Variants in ANKFY1 observed in about 807,000 individuals in gnomAD.
ANKFY1 encodes ankyrin repeat and FYVE domain containing 1.
In ANKFY1, 47 loss-of-function variants were observed where a neutral mutation model predicts 128.3. The ratio of observed to expected loss-of-function variants is 0.37; its 90% confidence interval spans 0.29 to 0.47. The LOEUF (loss-of-function observed/expected upper bound fraction) is 0.47. ANKFY1 is among the 20% of genes least tolerant of loss of function. The pLI is 1.00. For missense variants in ANKFY1, 1,222 were observed against 1,510.6 expected (o/e 0.81, Z 3.17); for synonymous variants, 553 against 601.6 (o/e 0.92, Z 1.18).
chr17:4,213,209 G>T (rs1240286407), intron 4 of ANKFY1, among the ~76,000 whole-genome samples: 1 of 151,040 alleles, frequency 6.6e-6, no homozygotes, highest in Non-Finnish European at 1.5e-5. Context: ...GGTTTTTTTT[G>T]AGACAGAGTG....
intron 2 of ANKFY1, among the ~76,000 whole-genome samples, chr17:4,238,604 G>A (rs769976436): frequency 6.6e-6 from 1 of 151,974 alleles, no homozygotes; most frequent in Non-Finnish European, 1.5e-5. Context: ...CTGCTGAGTA[G>A]CTGGGATTAC....
chr17:4,244,556 T>C (rs1000600835), intron 1 of ANKFY1, among the ~76,000 whole-genome samples: 2 of 151,948 alleles, frequency 1.3e-5, no homozygotes, highest in Non-Finnish European at 2.9e-5. Flanking sequence ...CCCTCCCTCT[T>C]CCACATCACA....
At chr17:4,245,637 G>T (rs1285351291) in intron 1 of ANKFY1, among the ~76,000 whole-genome samples, 6 of 151,962 alleles carry the variant, frequency 3.9e-5, no homozygotes, top group Non-Finnish European at 8.8e-5. Flanking sequence ...CCATACTTGG[G>T]AGGCTGAGGC....
At chr17:4,197,697 GA>G (rs2059851907) in intron 7 of ANKFY1, 120 bp from the exon 8 acceptor site, 1 of 883,998 alleles carries the variant, frequency 1.1e-6, no homozygotes, top group African/African-American at 1.7e-5. Flanking sequence ...GTGTCTGAAG[GA>G]ACCTCTTGGG....
intron 7 of ANKFY1, among the ~76,000 whole-genome samples, chr17:4,199,061 G>A (rs1488239787): frequency 1.3e-5 from 2 of 152,356 alleles, no homozygotes; most frequent in Middle Eastern, 3.4e-3. Flanking sequence ...TCAGGAGGAT[G>A]AGGTGGGAGG....
intron 3 of ANKFY1, chr17:4,223,155 C>G: frequency 1.3e-6 from 1 of 786,278 alleles, no homozygotes. Context: ...ATTCAGGTGA[C>G]AATGATGCTC....
chr17:4,252,033 TAAAAA>T lies in ANKFY1; in HGVS notation c.11-9590_11-9586del, dbSNP rs537446947. Among the ~76,000 whole-genome samples, 324 of 94,370 alleles carry T rather than the reference TAAAAA, an allele frequency of 3.4e-3. 1 individual carries two copies. Among genetic ancestry groups the T allele is most frequent in the African/African-American group, 0.013 (312 of 24,918 alleles). The allele number at this position is 94,370 out of a possible 152,430, so 61.9% of individuals were successfully genotyped here. On this transcript the variant is annotated intron_variant, in intron 1 of 24. Coordinates refer to ENST00000341657, the MANE Select transcript of ANKFY1 (RefSeq NM_001330063.2). ...TGGGCAACAGAACGAGACTCCGTCT[TAAAAA>T]AAAAAAAAAAAAAAGACTTGTATAC...
chr17:4,238,380 G>GTTACC, intron 2 of ANKFY1, among the ~76,000 whole-genome samples: 1 of 151,852 alleles, frequency 6.6e-6, no homozygotes, highest in Admixed American at 6.6e-5. Flanking sequence ...ACCACATCTC[G>GTTACC]ACAGCTTAGT....
intron 12 of ANKFY1, 43 bp downstream of exon 12, chr17:4,184,775 T>G: frequency 6.3e-7 from 1 of 1,583,560 alleles, no homozygotes; most frequent in East Asian, 2.2e-5. Context: ...CCTAAACTGC[T>G]GTCCCCAAGT....
At chr17:4,172,356 C>A (rs1180107450) in intron 22 of ANKFY1, among the ~76,000 whole-genome samples, 200 bp downstream of exon 22, 1 of 152,146 alleles carries the variant, frequency 6.6e-6, no homozygotes, top group Non-Finnish European at 1.5e-5. Flanking sequence ...CAGAGCGCTA[C>A]ATGCACTTGA....
intron 1 of ANKFY1, among the ~76,000 whole-genome samples, chr17:4,250,949 G>T (rs1967794631): frequency 6.6e-6 from 1 of 152,092 alleles, no homozygotes; most frequent in Non-Finnish European, 1.5e-5. Flanking sequence ...CTAAAATTTG[G>T]GTGGAAATGC....
chr17:4,193,234 A>G (rs1047971280), intron 10 of ANKFY1, among the ~76,000 whole-genome samples: 29 of 152,156 alleles, frequency 1.9e-4, no homozygotes, highest in Non-Finnish European at 8.8e-5. Flanking sequence ...TAGTTCTGTA[A>G]GAGTCTAACA....
rs1181594442 is a variant in ANKFY1 at position 4,181,467 on chromosome 17, T to G, written c.2122-95A>C. ...GCTCTATGTATAGCATTAAATCCAC[T>G]TTCAGATAAGATACGGTTGATAATA... On this transcript the variant is annotated intron_variant, in intron 15 of 24. Transcript: ENST00000341657. The surrounding 1 kb of genome is among the most constrained non-coding windows in gnomAD (Gnocchi z 4.9). 7.5e-6 allele frequency: 6 copies of G among 803,234 alleles called. No individual in the cohort carries two copies. The highest frequency in any genetic ancestry group is 8.6e-6 in the Non-Finnish European group (4 of 464,826). The allele number at this position is 803,234 out of a possible 1,614,324, so 49.8% of individuals were successfully genotyped here.
chr17:4,240,434 C>T (rs1281839790), intron 2 of ANKFY1, among the ~76,000 whole-genome samples: 1 of 151,780 alleles, frequency 6.6e-6, no homozygotes, highest in African/African-American at 2.4e-5. Context: ...CTCTGTCTCC[C>T]AGGCTGGAGT....
At position 4,182,503 on chromosome 17, in the gene ANKFY1, T is replaced by C. The variant is rs942568460; in HGVS notation, c.1953-154A>G. ...TTCTCAGGGAAATTAAATGTGAAAA[T>C]AGTGTCTGTCCATTCTGACTTTTTA... is the stretch of plus-strand genomic sequence containing the variant. On this transcript the variant is annotated intron_variant, in intron 14 of 24. Transcript: ENST00000341657. 70 of 586,870 alleles carry C rather than the reference T, an allele frequency of 1.2e-4. 1 individual carries two copies. The highest frequency in any genetic ancestry group is 1.8e-4 in the Non-Finnish European group (67 of 376,222). The allele number at this position is 586,870 out of a possible 1,614,324, so 36.4% of individuals were successfully genotyped here. A position where few individuals can be genotyped will look rare whatever the true frequency, so the allele number is the denominator to read the frequency against.
intron 4 of ANKFY1, among the ~76,000 whole-genome samples, chr17:4,212,781 T>C (rs1041936413): frequency 1.3e-5 from 2 of 151,308 alleles, no homozygotes; most frequent in African/African-American, 4.9e-5. Context: ...TTTTTTTTTT[T>C]TTTTTTTTGA....
intron 23 of ANKFY1, 64 bp downstream of exon 23, chr17:4,170,651 A>G (rs1018176556): frequency 1.3e-6 from 2 of 1,547,956 alleles, no homozygotes; most frequent in Non-Finnish European, 8.7e-7. Flanking sequence ...CACCAATACA[A>G]TACATGGCGA....
At position 4,181,306 on chromosome 17, in the gene ANKFY1, G is replaced by A; in HGVS notation, c.2188C>T (p.His730Tyr). The change falls in exon 16 of 25, where the codon CAC (histidine) becomes TAC (tyrosine). Residue 730 changes from histidine (H) to tyrosine (Y), a missense_variant. Coordinates refer to ENST00000341657, the MANE Select transcript of ANKFY1 (RefSeq NM_001330063.2). This position sits in a 1 kb window ranked among gnomAD's most constrained non-coding sequence, Gnocchi z 4.9. ...TCGTTGTTTTCATCAATGGCTCTGT[G>A]CAGGAGCGTCTGAAGGCACCCACCA... ...GPGGCLQTLL[H>Y]RAIDENNEPT... 1 of 1,614,212 alleles carries A rather than the reference G, an allele frequency of 6.2e-7. No homozygotes were observed. Among genetic ancestry groups the A allele is most frequent in the Non-Finnish European group, 8.5e-7 (1 of 1,180,036 alleles).
chr17:4,208,639 G>A (rs551550269), intron 5 of ANKFY1, among the ~76,000 whole-genome samples: 42 of 152,260 alleles, frequency 2.8e-4, no homozygotes, highest in Non-Finnish European at 5.3e-4. Context: ...TTCTTTAGCC[G>A]CCTTTTCTGA....
Sources: gnomAD v4.1 joint callset for allele counts (sites outside exome capture counted in the v4.1 genomes callset) on GRCh38, gnomAD v4.1.1 for gene constraint, Gnocchi (gnomAD v3.1) non-coding constraint, MANE v1.5 for transcripts, NCBI Gene and HGNC (gene_info 2026-07-23, HGNC 2026-07-21) for gene names.